XRCC4: variants seen among roughly 807,000 people sequenced by gnomAD.
XRCC4 encodes the protein X-ray repair cross complementing 4.
XRCC4 carries 28 observed loss-of-function variants against 39.1 expected under a neutral mutation model. The observed-to-expected ratio is 0.72, with a 90% CI of 0.53 to 0.98. XRCC4 has a LOEUF of 0.98. XRCC4 is among the 50% of genes least tolerant of loss of function. The pLI is 0.00. For missense variants in XRCC4, 350 were observed against 376.4 expected (o/e 0.93, Z 0.58); for synonymous variants, 123 against 126.4 (o/e 0.97, Z 0.18).
At chr5:83,078,162 A>G (rs1229725109) in intron 1 of XRCC4, among the ~76,000 whole-genome samples, 1 of 152,252 alleles carries the variant, frequency 6.6e-6, no homozygotes, top group Non-Finnish European at 1.5e-5. Context: ...AACTGGCAAG[A>G]CAAATGACAA....
At chr5:83,116,780 C>G (rs967681319) in intron 3 of XRCC4, among the ~76,000 whole-genome samples, 1 of 151,954 alleles carries the variant, frequency 6.6e-6, no homozygotes, top group African/African-American at 2.4e-5. Flanking sequence ...TGTCACCATG[C>G]CCAGCTGATT....
intron 3 of XRCC4, among the ~76,000 whole-genome samples, chr5:83,134,985 T>C (rs2112496343): frequency 6.6e-6 from 1 of 152,200 alleles, no homozygotes; most frequent in South Asian, 2.1e-4. Context: ...TCTGAACAGC[T>C]GAAGGAACAA....
chr5:83,205,298 G>T (rs897721489), intron 6 of XRCC4, among the ~76,000 whole-genome samples: 1 of 152,098 alleles, frequency 6.6e-6, no homozygotes, highest in African/African-American at 2.4e-5. Flanking sequence ...TAGGCCACTG[G>T]AGCAGAGTAA....
intron 7 of XRCC4, among the ~76,000 whole-genome samples, chr5:83,289,787 G>A (rs1754854062): frequency 6.6e-6 from 1 of 151,742 alleles, no homozygotes. Flanking sequence ...ATCCCACGTG[G>A]GATAGGGTTC....
intron 3 of XRCC4, among the ~76,000 whole-genome samples, chr5:83,175,697 C>T (rs1269885601): frequency 1.3e-5 from 2 of 152,136 alleles, no homozygotes; most frequent in Non-Finnish European, 2.9e-5. Flanking sequence ...CAACCTCCAC[C>T]TCCTGGGTTC....
chr5:83,279,300 C>T (rs1191137978), intron 7 of XRCC4, among the ~76,000 whole-genome samples: 1 of 151,436 alleles, frequency 6.6e-6, no homozygotes, highest in East Asian at 1.9e-4. Context: ...TGGCAAACTA[C>T]TAGAAATGTA....
intron 7 of XRCC4, among the ~76,000 whole-genome samples, chr5:83,306,737 A>T (rs999750759): frequency 6.6e-6 from 1 of 152,156 alleles, no homozygotes; most frequent in Non-Finnish European, 1.5e-5. Flanking sequence ...CAGCAATAAG[A>T]CTGATCGGGC....
At chr5:83,370,892 C>T in the XRCC4 span, among the ~76,000 whole-genome samples, 1 of 152,178 alleles carries the variant, frequency 6.6e-6, no homozygotes, top group East Asian at 1.9e-4. Flanking sequence ...AACTCTTTCT[C>T]CTGCTTTAGT....
chr5:83,165,124 T>C (rs571082348), intron 3 of XRCC4, among the ~76,000 whole-genome samples: 16 of 152,182 alleles, frequency 1.1e-4, no homozygotes, highest in African/African-American at 3.9e-4. Context: ...GTAATAATTT[T>C]TCTATTCAAA....
chr5:83,210,803 A>G (rs534945607), intron 6 of XRCC4, among the ~76,000 whole-genome samples: 12 of 152,210 alleles, frequency 7.9e-5, no homozygotes, highest in African/African-American at 2.7e-4. Context: ...TTTCTGTTGA[A>G]GTCATCCCTG....
intron 7 of XRCC4, among the ~76,000 whole-genome samples, chr5:83,305,366 A>G (rs963032211): frequency 1.4e-4 from 21 of 152,118 alleles, no homozygotes; most frequent in African/African-American, 4.8e-4. Flanking sequence ...AGAAAAATGT[A>G]TCTTGTGGTA....
At chr5:83,287,915 G>A (rs949155942) in intron 7 of XRCC4, among the ~76,000 whole-genome samples, 2 of 151,586 alleles carry the variant, frequency 1.3e-5, no homozygotes, top group Non-Finnish European at 2.9e-5. Context: ...TCAAATATAT[G>A]CATTTAAGGC....
chr5:83,095,064 C>T (rs10474081), intron 1 of XRCC4, among the ~76,000 whole-genome samples: 1 of 151,800 alleles, frequency 6.6e-6, no homozygotes. Context: ...TACAGGTGTT[C>T]GTTGGCAGGG....
intron 3 of XRCC4, among the ~76,000 whole-genome samples, chr5:83,187,718 A>G (rs150689273): frequency 5.6e-4 from 86 of 152,316 alleles, no homozygotes; most frequent in African/African-American, 2.0e-3. Flanking sequence ...TGGGATGATA[A>G]AAAGAATGAG....
intron 3 of XRCC4, among the ~76,000 whole-genome samples, chr5:83,176,627 A>G (rs1749969872): frequency 8.3e-6 from 1 of 120,912 alleles, no homozygotes; most frequent in Non-Finnish European, 1.9e-5. Flanking sequence ...AAAGTATTGG[A>G]ATTTTTTTTT....
intron 2 of XRCC4, among the ~76,000 whole-genome samples, chr5:83,107,810 T>C (rs918067895): frequency 1.3e-5 from 2 of 151,924 alleles, no homozygotes; most frequent in Admixed American, 6.6e-5. Context: ...TTTTGACTTA[T>C]ATGGAAATAG....
intron 3 of XRCC4, among the ~76,000 whole-genome samples, chr5:83,139,450 T>A (rs558332389): frequency 1.3e-5 from 2 of 152,232 alleles, no homozygotes; most frequent in East Asian, 3.8e-4. Context: ...TCTCCTTTTG[T>A]AATTAATAAG....
rs16900186 is a variant in XRCC4, at chr5:83,142,628, T to C, written c.315+31425T>C. On this transcript the variant is annotated intron_variant, in intron 3 of 7. Transcript: ENST00000396027. ...AATTGAACATCCACATGGAATTAAG[T>C]TTGGTTAAGTTTGTAAGGATATTTG... 2.9e-3 allele frequency among the ~76,000 whole-genome samples: 440 copies of C among 152,210 alleles called. 11 individuals are homozygous for C. The East Asian group carries it at 0.073, about 25-fold the overall frequency.
intron 7 of XRCC4, among the ~76,000 whole-genome samples, chr5:83,271,220 A>T (rs1053923370): frequency 6.6e-6 from 1 of 152,128 alleles, no homozygotes; most frequent in East Asian, 1.9e-4. Context: ...CCTGTCCTAC[A>T]TTTGAAATAA....
Sources: gnomAD v4.1 joint callset for allele counts (sites outside exome capture counted in the v4.1 genomes callset) on GRCh38, gnomAD v4.1.1 for gene constraint, MANE v1.5 for transcripts, NCBI Gene and HGNC (gene_info 2026-07-23, HGNC 2026-07-21) for gene names.